Variants in CARMIL1 observed in about 807,000 individuals in gnomAD.
CARMIL1 encodes capping protein regulator and myosin 1 linker 1.
A neutral mutation model predicts 177.1 loss-of-function variants in CARMIL1; 90 were observed. The ratio of observed to expected loss-of-function variants is 0.51; its 90% CI spans 0.43 to 0.61. CARMIL1 has a LOEUF of 0.61. CARMIL1 is among the 20% of genes least tolerant of loss of function. The pLI, the probability that CARMIL1 is intolerant of heterozygous loss-of-function variation, is 0.00. For missense variants in CARMIL1, 1,380 were observed against 1,667.0 expected, an observed-to-expected ratio of 0.83 and a Z score of 3.00; for synonymous variants, 577 against 606.2, an observed-to-expected ratio of 0.95 and a Z score of 0.71.
intron 2 of CARMIL1, among the ~76,000 whole-genome samples, chr6:25,360,366 C>A (rs2150390724): frequency 6.6e-6 from 1 of 152,296 alleles, no homozygotes; most frequent in Admixed American, 6.5e-5. Flanking sequence ...GAATGAGAAT[C>A]TAAAAAGATA....
chr6:25,556,808 G>A lies in CARMIL1; in HGVS notation c.2700G>A (p.Glu900=), dbSNP rs758825919. The part of the protein sequence containing the change: ...PVKRSIITVE[E]LTEIERLEDL... The stretch of plus-strand genomic sequence containing the variant: ...AACGTTCCATCATCACAGTGGAGGA[G>A]CTAACAGAGATAGAGCGTTTGGAAG... The change falls in exon 29 of 37, where the codon GAG becomes GAA. Residue 900 remains glutamate, a synonymous_variant. Transcript: ENST00000329474. The A allele has an allele frequency of 3.7e-6, 6 of 1,613,442 alleles. No homozygotes were observed. In the Admixed American group the frequency reaches 8.3e-5, roughly 22 times the overall value.
At chr6:25,532,946 T>A (rs2151111586) in intron 24 of CARMIL1, among the ~76,000 whole-genome samples, 1 of 152,230 alleles carries the variant, frequency 6.6e-6, no homozygotes, top group Non-Finnish European at 1.5e-5. Flanking sequence ...ACAATAAAAC[T>A]GTAGTTATAA....
chr6:25,462,156 A>G (rs1800181061), intron 8 of CARMIL1, among the ~76,000 whole-genome samples: 1 of 152,198 alleles, frequency 6.6e-6, no homozygotes, highest in Non-Finnish European at 1.5e-5. Context: ...TTGTAGAGCA[A>G]AAGTTTTTAA....
intron 1 of CARMIL1, among the ~76,000 whole-genome samples, chr6:25,280,525 T>C (rs1781001825): frequency 6.6e-6 from 1 of 151,470 alleles, no homozygotes; most frequent in African/African-American, 2.4e-5. Context: ...CTATAGGGGA[T>C]CTCTTAGGGA....
chr6:25,363,036 A>G (rs1195144907), intron 2 of CARMIL1, among the ~76,000 whole-genome samples: 1 of 152,178 alleles, frequency 6.6e-6, no homozygotes, highest in African/African-American at 2.4e-5. Context: ...CTCTGTCTCC[A>G]AAACAAAGAA....
At chr6:25,537,244 T>C (rs1057268448) in intron 24 of CARMIL1, among the ~76,000 whole-genome samples, 3 of 152,250 alleles carry the variant, frequency 2.0e-5, no homozygotes, top group Non-Finnish European at 4.4e-5. Context: ...TTACTACCTA[T>C]GTTAATATAA....
chr6:25,488,237 T>G (rs538178793), intron 12 of CARMIL1, among the ~76,000 whole-genome samples: 1 of 152,318 alleles, frequency 6.6e-6, no homozygotes, highest in African/African-American at 2.4e-5. Flanking sequence ...TCAGAAGACA[T>G]GGATCAAAGG....
chr6:25,365,551 A>G (rs978287170), intron 2 of CARMIL1, among the ~76,000 whole-genome samples: 2 of 151,926 alleles, frequency 1.3e-5, no homozygotes, highest in African/African-American at 4.8e-5. Flanking sequence ...CGCCCCCCTC[A>G]CTTTATTTAT....
chr6:25,337,446 T>C (rs1300327303), intron 2 of CARMIL1, among the ~76,000 whole-genome samples: 1 of 152,208 alleles, frequency 6.6e-6, no homozygotes, highest in Non-Finnish European at 1.5e-5. Context: ...CTATATAATA[T>C]AAGGATGTTG....
intron 2 of CARMIL1, among the ~76,000 whole-genome samples, chr6:25,327,416 G>C (rs987426559): frequency 3.9e-5 from 6 of 152,214 alleles, no homozygotes; most frequent in African/African-American, 1.4e-4. Context: ...TGGACTGTCA[G>C]TGAAATTGAA....
rs1791221395 is a variant in CARMIL1 at position 25,378,425 on chromosome 6, A to C, written c.139-41689A>C. The stretch of plus-strand genomic sequence containing the variant: ...CCCACTTGCCCCTCAGTTCTGGCCA[A>C]GGGAGCTTGTTCCCACTCATATCGT... On this transcript the variant is annotated intron_variant, in intron 2 of 36. Coordinates refer to ENST00000329474, the MANE Select transcript of CARMIL1 (RefSeq NM_017640.6). 2.0e-5 allele frequency among the ~76,000 whole-genome samples: 3 copies of C among 152,314 alleles called. No homozygotes were observed. The South Asian group carries it at 6.2e-4, about 32-fold the overall frequency.
chr6:25,501,273 C>T (rs1337751101), intron 17 of CARMIL1, among the ~76,000 whole-genome samples: 3 of 152,110 alleles, frequency 2.0e-5, no homozygotes, highest in Non-Finnish European at 2.9e-5. Context: ...CTCTCTTCCC[C>T]AGCACTCCTA....
In CARMIL1 at chr6:25,619,733, CTTTTTTTTTTTTTTTTTTT is replaced by C. The variant is rs59911299; in HGVS notation, c.*160_*178del. On this transcript the variant is annotated 3_prime_UTR_variant, in exon 37 of 37. Coordinates refer to ENST00000329474, the MANE Select transcript of CARMIL1 (RefSeq NM_017640.6). ...TTTCGCCCCCACCCCCATCCCCTGC[CTTTTTTTTTTTTTTTTTTT>C]TTTTTTTTTGTATAGAAACAGATCC... 1 of 89,400 alleles carries C rather than the reference CTTTTTTTTTTTTTTTTTTT, an allele frequency of 1.1e-5. No homozygotes were observed. The highest frequency in any genetic ancestry group is 1.8e-5 in the Non-Finnish European group (1 of 55,608). The allele number at this position is 89,400 out of a possible 1,614,324, so 5.5% of individuals were successfully genotyped here.
intron 5 of CARMIL1, among the ~76,000 whole-genome samples, chr6:25,446,453 G>A (rs775790915): frequency 2.0e-5 from 3 of 152,130 alleles, no homozygotes; most frequent in Admixed American, 6.5e-5. Flanking sequence ...ATGAACCAAC[G>A]TTTGGTAGCT....
chr6:25,321,722 G>A (rs374086046), intron 2 of CARMIL1, among the ~76,000 whole-genome samples: 1 of 148,688 alleles, frequency 6.7e-6, no homozygotes, highest in African/African-American at 2.5e-5. Flanking sequence ...GCAGTGGTGC[G>A]ATCTCAGCTC....
chr6:25,437,065 A>G (rs1342066527), intron 5 of CARMIL1, among the ~76,000 whole-genome samples: 1 of 152,200 alleles, frequency 6.6e-6, no homozygotes, highest in African/African-American at 2.4e-5. Context: ...GTTCGACATC[A>G]TCCTTAAAGC....
chr6:25,490,283 A>T (rs1430968134), intron 13 of CARMIL1, among the ~76,000 whole-genome samples: 1 of 152,208 alleles, frequency 6.6e-6, no homozygotes, highest in African/African-American at 2.4e-5. Flanking sequence ...GCTGGGAGCA[A>T]AGCCACAGTA....
chr6:25,540,378 C>T (rs1486736178), intron 26 of CARMIL1, among the ~76,000 whole-genome samples: 2 of 152,014 alleles, frequency 1.3e-5, no homozygotes, highest in African/African-American at 4.8e-5. Flanking sequence ...GAAAAAATAC[C>T]TTCTGTTATT....
intron 2 of CARMIL1, among the ~76,000 whole-genome samples, chr6:25,417,262 A>C (rs1403227062): frequency 6.6e-6 from 1 of 152,118 alleles, no homozygotes; most frequent in Non-Finnish European, 1.5e-5. Context: ...AGCCAAGCGT[A>C]TCTCTGGTGC....
Sources: allele counts gnomAD v4.1 joint callset (sites outside exome capture counted in the v4.1 genomes callset), GRCh38; gene constraint gnomAD v4.1.1; transcripts MANE v1.5; gene names NCBI Gene and HGNC (gene_info 2026-07-23, HGNC 2026-07-21).